Variants in ZNF441 observed in about 807,000 individuals in gnomAD.
ZNF441 encodes the protein zinc finger protein 441.
In ZNF441, 25 loss-of-function variants were observed where a neutral mutation model predicts 64.5. The ratio of observed to expected loss-of-function variants is 0.39; its 90% confidence interval spans 0.28 to 0.54. The LOEUF is 0.54. ZNF441 is among the 20% of genes least tolerant of loss of function. The pLI, the probability that ZNF441 is intolerant of heterozygous loss-of-function variation, is 0.70. For missense variants in ZNF441, 715 were observed against 843.3 expected (o/e 0.85, Z 1.88); for synonymous variants, 262 against 268.0 (o/e 0.98, Z 0.22).
chr19:11,780,958 A>C lies in ZNF441; in HGVS notation c.1134A>C (p.Leu378Phe). 1 of 1,613,772 alleles carries C rather than the reference A, an allele frequency of 6.2e-7. No individual in the cohort carries two copies. The highest frequency in any genetic ancestry group is 8.5e-7 in the Non-Finnish European group (1 of 1,179,920). ...GGAAAGCCTTTGATTCTCCCAGTTT[A>C]TGTCGAAGGCATGAAACAACTCATA... ...VCGKAFDSPS[L>F]CRRHETTHTG... The change falls in exon 4 of 4, where the codon TTA (leucine) becomes TTC (phenylalanine). Residue 378 changes from leucine (L) to phenylalanine (F), a missense_variant. This residue lies in a region of ZNF441 where 316 missense variants were observed against 429.3 expected (regional missense o/e 0.74). Transcript: ENST00000357901.
chr19:11,767,205 G>A lies in ZNF441; in HGVS notation c.3+9G>A. 6.4e-7 allele frequency: 1 copy of A among 1,559,536 alleles called. No homozygotes were observed. Among genetic ancestry groups the A allele is most frequent in the Non-Finnish European group, 8.7e-7 (1 of 1,151,698 alleles). On this transcript the variant is annotated intron_variant, in intron 1 of 3. Coordinates refer to ENST00000357901, the MANE Select transcript of ZNF441 (RefSeq NM_152355.3). This position sits in a 1 kb window ranked among gnomAD's most constrained non-coding sequence, Gnocchi z 5.1. ...CCGGAAGCCGGGAAATGGTGAGTGT[G>A]TGAGGTCTGGTGTCCCGACGCGTGA...
chr19:11,767,780 A>C lies in ZNF441; in HGVS notation c.3+584A>C, dbSNP rs1337082984. ...GAATTCAGGATCTGAGAAAGAACTC[A>C]GGCGACTCTTGAGCAACTCTCAGAG... On this transcript the variant is annotated intron_variant, in intron 1 of 3. Transcript: ENST00000357901. This position sits in a 1 kb window ranked among gnomAD's most constrained non-coding sequence, Gnocchi z 5.1. Among the ~76,000 whole-genome samples the C allele has an allele frequency of 6.6e-6, 1 of 152,202 alleles. No homozygotes were observed. Among genetic ancestry groups the C allele is most frequent in the Non-Finnish European group, 1.5e-5 (1 of 68,032 alleles).
chr19:11,778,273 C>A (rs1975369986), intron 2 of ZNF441, 57 bp from the exon 3 acceptor site: 4 of 1,207,834 alleles, frequency 3.3e-6, no homozygotes, highest in Non-Finnish European at 4.7e-6. Flanking sequence ...TAAAATCTTA[C>A]AGTCTTTCTA....
chr19:11,772,100 C>T (rs1362451197), intron 1 of ZNF441, among the ~76,000 whole-genome samples: 1 of 152,236 alleles, frequency 6.6e-6, no homozygotes, highest in Non-Finnish European at 1.5e-5. Context: ...TCTCCTCTCC[C>T]TCTCTGCCTT....
rs748654355 is a variant in ZNF441, at chr19:11,780,595, T to C, written c.771T>C (p.Cys257=). The C allele has an allele frequency of 1.9e-6, 3 of 1,614,178 alleles. No individual in the cohort carries two copies. In the Admixed American group the frequency reaches 5.0e-5, roughly 27 times the overall value. Residue 257 remains cysteine (C), a synonymous_variant, in exon 4 of 4, where the codon TGT becomes TGC. Coordinates refer to ENST00000357901, the MANE Select transcript of ZNF441 (RefSeq NM_152355.3). ...SGEKPYQCKQ[C]GKAFSCSCYT... ...AGAAACCCTATCAATGTAAACAATG[T>C]GGGAAAGCCTTCAGTTGTTCCTGTT...
At chr19:11,777,869 A>C (rs1323127998) in intron 2 of ZNF441, 132 bp downstream of exon 2, 8 of 1,000,054 alleles carry the variant, frequency 8.0e-6, no homozygotes, top group Non-Finnish European at 1.0e-5. Flanking sequence ...GCAGTCATAC[A>C]TCTTCTCCCG....
chr19:11,774,762 C>G (rs2145080371), intron 1 of ZNF441, among the ~76,000 whole-genome samples: 1 of 152,166 alleles, frequency 6.6e-6, no homozygotes, highest in East Asian at 1.9e-4. Flanking sequence ...GTCTGAGGTT[C>G]TCAGAGATGG....
rs1361388176 is a variant in ZNF441, at chr19:11,781,894, A to G, written c.2070A>G (p.Glu690=). 3 of 1,589,148 alleles carry G rather than the reference A, an allele frequency of 1.9e-6. No individual in the cohort carries two copies. Among genetic ancestry groups the G allele is most frequent in the Non-Finnish European group, 8.6e-7 (1 of 1,165,918 alleles). Reference sequence around the variant, plus strand: ...GTATCAGTTCCTTTCATAAACATGAAATGACTCACTAGAGAAAACCCCTAT... The same window carrying G: ...GTATCAGTTCCTTTCATAAACATGAGATGACTCACTAGAGAAAACCCCTAT... ...FHCISSFHKH[E]MTH is the part of the protein sequence containing the mutation. The change falls in exon 4 of 4, where the codon GAA becomes GAG. Residue 690 remains glutamate (E), a synonymous_variant. Coordinates refer to ENST00000357901, the MANE Select transcript of ZNF441 (RefSeq NM_152355.3).
chr19:11,767,255 C>CGGAACCGGCT lies in ZNF441; in HGVS notation c.3+61_3+70dup. Reference sequence around the variant, plus strand: ...AGAGGAGAGACTGGTTGGAACCGGCCGGAACCGGCTGTGGTGGCACCAGGT... The same window carrying CGGAACCGGCT: ...AGAGGAGAGACTGGTTGGAACCGGCCGGAACCGGCTGGAACCGGCTGTGGTGGCACCAGGT... On this transcript the variant is annotated intron_variant, in intron 1 of 3. Coordinates refer to ENST00000357901, the MANE Select transcript of ZNF441 (RefSeq NM_152355.3). This position sits in a 1 kb window ranked among gnomAD's most constrained non-coding sequence, Gnocchi z 5.1. The CGGAACCGGCT allele has an allele frequency of 6.4e-7, 1 of 1,552,148 alleles. No homozygotes were observed. Among genetic ancestry groups the CGGAACCGGCT allele is most frequent in the Non-Finnish European group, 8.7e-7 (1 of 1,147,232 alleles).
Position 11,781,189 on chromosome 19 carries a change from C to T in ZNF441, c.1365C>T (p.Ala455=). 1 of 1,613,780 alleles carries T rather than the reference C, an allele frequency of 6.2e-7. No homozygotes were observed. Among genetic ancestry groups the T allele is most frequent in the South Asian group, 1.1e-5 (1 of 91,066 alleles). ...ATAAATGTAAACAATGCGGAAAAGCCTTCAGGTCTTCCAATTACATTCGAG... is the reference window on the plus strand; with the variant it reads ...ATAAATGTAAACAATGCGGAAAAGCTTTCAGGTCTTCCAATTACATTCGAG... ...RPYKCKQCGK[A]FRSSNYIRVH... is the part of the protein sequence containing the mutation. The change falls in exon 4 of 4, where the codon GCC becomes GCT. Residue 455 remains alanine (A), a synonymous_variant. Transcript: ENST00000357901.
rs905021517 is a variant in ZNF441 at position 11,767,845 on chromosome 19, A to G, written c.3+649A>G. On this transcript the variant is annotated intron_variant, in intron 1 of 3. Coordinates refer to ENST00000357901, the MANE Select transcript of ZNF441 (RefSeq NM_152355.3). This position sits in a 1 kb window ranked among gnomAD's most constrained non-coding sequence, Gnocchi z 5.1. ...CACAATGGCGAAGCCGGCGGTCAGC[A>G]TCTGCTGTGGCCTGACTCTTGGGGA... 7.2e-5 allele frequency among the ~76,000 whole-genome samples: 11 copies of G among 152,324 alleles called. No individual in the cohort carries two copies. The highest frequency in any genetic ancestry group is 2.2e-4 in the African/African-American group (9 of 41,576).
chr19:11,776,667 T>G (rs1344232879), intron 1 of ZNF441, among the ~76,000 whole-genome samples: 1 of 152,250 alleles, frequency 6.6e-6, no homozygotes, highest in Non-Finnish European at 1.5e-5. Flanking sequence ...ATTAGTCTTT[T>G]GTCATACTTA....
intron 1 of ZNF441, among the ~76,000 whole-genome samples, chr19:11,776,156 G>A (rs1156466494): frequency 3.3e-5 from 5 of 152,170 alleles, no homozygotes; most frequent in Admixed American, 6.5e-5. Flanking sequence ...TCCACAGATG[G>A]ATTGAAAAAT....
rs1444433094 is a variant in ZNF441 at position 11,781,505 on chromosome 19, TG to T, written c.1682del (p.Cys561PhefsTer18). On this transcript the variant is annotated frameshift_variant, in exon 4 of 4. Transcript: ENST00000357901. LOFTEE classifies it high-confidence loss of function. ...TCACACTGGAGAGAAACCCTATGGTTGTCAGCAATGTGGGAAAGCATTATCT... is the reference window on the plus strand; with the variant it reads ...TCACACTGGAGAGAAACCCTATGGTTTCAGCAATGTGGGAAAGCATTATCT... ...RTHTGEKPYG[C>X]QQCGKALSDL... 6.2e-7 allele frequency: 1 copy of T among 1,614,140 alleles called. No homozygotes were observed. Among genetic ancestry groups the T allele is most frequent in the Admixed American group, 1.7e-5 (1 of 60,018 alleles).
At position 11,781,178 on chromosome 19, in the gene ZNF441, T is replaced by C; in HGVS notation, c.1354T>C (p.Cys452Arg). ...GGAGAGACCCTATAAATGTAAACAA[T>C]GCGGAAAAGCCTTCAGGTCTTCCAA... The part of the protein sequence containing the change: ...TGERPYKCKQ[C>R]GKAFRSSNYI... The change falls in exon 4 of 4, where the codon TGC becomes CGC. Residue 452 changes from cysteine to arginine, a missense_variant. Cys to Arg is a radical substitution (Grantham distance 180). Transcript: ENST00000357901. The C allele has an allele frequency of 6.2e-7, 1 of 1,613,744 alleles. No individual in the cohort carries two copies. The highest frequency in any genetic ancestry group is 8.5e-7 in the Non-Finnish European group (1 of 1,179,930).
chr19:11,775,562 C>A (rs1234009353), intron 1 of ZNF441, among the ~76,000 whole-genome samples: 1 of 151,116 alleles, frequency 6.6e-6, no homozygotes, highest in African/African-American at 2.4e-5. Flanking sequence ...ATCTCCTGAC[C>A]TCGTGATCCG....
At chr19:11,777,577 A>G (rs1323171717) in intron 1 of ZNF441, 34 bp from the exon 2 acceptor site, 1 of 1,591,376 alleles carries the variant, frequency 6.3e-7, no homozygotes, top group Non-Finnish European at 8.6e-7. Context: ...CTTCAGTTTT[A>G]ATATTCCTCC....
intron 3 of ZNF441, among the ~76,000 whole-genome samples, chr19:11,779,318 C>CAAAAA (rs67463970): frequency 9.7e-6 from 1 of 103,428 alleles, no homozygotes; most frequent in Non-Finnish European, 2.0e-5. Flanking sequence ...AACCCAGTTT[C>CAAAAA]AAAAAAAAAA....
At position 11,770,932 on chromosome 19, in the gene ZNF441, CAA is replaced by C. The variant is rs33976066; in HGVS notation, c.3+3752_3+3753del. ...TGGGTGACAGAACAAAACTCTGTTT[CAA>C]AAAAAAAAAAAAAAATTGAATGCAA... On this transcript the variant is annotated intron_variant, in intron 1 of 3. Coordinates refer to ENST00000357901, the MANE Select transcript of ZNF441 (RefSeq NM_152355.3). Among the ~76,000 whole-genome samples, 157 of 119,996 alleles carry C rather than the reference CAA, an allele frequency of 1.3e-3. 1 individual carries two copies. Among genetic ancestry groups the C allele is most frequent in the Admixed American group, 4.6e-3 (53 of 11,412 alleles). The allele number at this position is 119,996 out of a possible 152,430, so 78.7% of individuals were successfully genotyped here.
Sources: allele counts gnomAD v4.1 joint callset (sites outside exome capture counted in the v4.1 genomes callset), GRCh38; gene constraint gnomAD v4.1.1; regional missense constraint gnomAD v4.1.1; non-coding constraint Gnocchi (gnomAD v3.1); transcripts MANE v1.5; gene names NCBI Gene and HGNC (gene_info 2026-07-23, HGNC 2026-07-21).